The following GPHN variants were observed in gnomAD, a reference collection of about 807,000 sequenced individuals.
GPHN encodes gephyrin.
A neutral mutation model predicts 95.5 loss-of-function variants in GPHN; 17 were observed. The ratio of observed to expected loss-of-function variants is 0.18; its 90% CI spans 0.12 to 0.27. The LOEUF is 0.27. GPHN is among the 10% of genes least tolerant of loss of function. The pLI is 1.00. For missense variants in GPHN, 660 were observed against 978.1 expected (o/e 0.67, Z 4.34); for synonymous variants, 320 against 322.5 (o/e 0.99, Z 0.08).
intron 8 of GPHN, among the ~76,000 whole-genome samples, chr14:66,927,691 TTTATTATG>T (rs2153564177): frequency 6.6e-6 from 1 of 152,254 alleles, no homozygotes; most frequent in South Asian, 2.1e-4. Context: ...GCATATAGCT[TTTATTATG>T]TTGAGGAACG....
chr14:66,809,503 G>C (rs1193439853), intron 3 of GPHN, among the ~76,000 whole-genome samples: 1 of 152,142 alleles, frequency 6.6e-6, no homozygotes. Flanking sequence ...ATACAAAAAA[G>C]ATTAATTCAG....
intron 1 of GPHN, among the ~76,000 whole-genome samples, chr14:66,542,477 C>G (rs2059387072): frequency 6.6e-6 from 1 of 152,174 alleles, no homozygotes; most frequent in Non-Finnish European, 1.5e-5. Context: ...CTACCACCAT[C>G]TCCATCCATA....
At chr14:66,731,288 G>A (rs2071746172) in intron 2 of GPHN, among the ~76,000 whole-genome samples, 1 of 152,246 alleles carries the variant, frequency 6.6e-6, no homozygotes, top group African/African-American at 2.4e-5. Context: ...TTGGAACTGG[G>A]TAACAGGCAG....
chr14:67,301,495 T>G, the GPHN span: 1 of 1,512,570 alleles, frequency 6.6e-7, no homozygotes, highest in Non-Finnish European at 9.1e-7. Context: ...ACTATATATG[T>G]GGTTTTTCCA....
At chr14:66,564,831 C>T (rs1417000942) in intron 1 of GPHN, among the ~76,000 whole-genome samples, 1 of 152,094 alleles carries the variant, frequency 6.6e-6, no homozygotes, top group Non-Finnish European at 1.5e-5. Flanking sequence ...GTGTGTCATA[C>T]ACACCCTACT....
At chr14:67,708,853 T>A in the GPHN span, among the ~76,000 whole-genome samples, 1 of 148,664 alleles carries the variant, frequency 6.7e-6, no homozygotes, top group African/African-American at 2.5e-5. Flanking sequence ...AGTGCAGTGG[T>A]GCAATCTTGG....
At chr14:67,316,935 GTT>G in the GPHN span, 1 of 1,543,730 alleles carries the variant, frequency 6.5e-7, no homozygotes, top group Non-Finnish European at 8.9e-7. Flanking sequence ...TAAGTAAATG[GTT>G]TCTTGGGTCT....
At chr14:67,374,621 C>A in the GPHN span, 2 of 934,204 alleles carry the variant, frequency 2.1e-6, no homozygotes, top group Non-Finnish European at 1.6e-6. Flanking sequence ...TAATTTCATA[C>A]TGCTACTACC....
chr14:67,285,288 A>G, the GPHN span, among the ~76,000 whole-genome samples: 727 of 152,258 alleles, frequency 4.8e-3, 11 homozygotes, highest in African/African-American at 0.017. Flanking sequence ...CCTAGAAGCT[A>G]TCTGTTTTCA....
At chr14:66,961,498 A>G (rs953231730) in intron 8 of GPHN, among the ~76,000 whole-genome samples, 4 of 151,962 alleles carry the variant, frequency 2.6e-5, no homozygotes, top group African/African-American at 9.7e-5. Flanking sequence ...AGGAATAGAT[A>G]TTCACACTAG....
At chr14:67,041,534 A>G (rs2074705058) in intron 10 of GPHN, among the ~76,000 whole-genome samples, 1 of 152,218 alleles carries the variant, frequency 6.6e-6, no homozygotes, top group Non-Finnish European at 1.5e-5. Context: ...ATGTCTCTGC[A>G]AAGGACATGA....
chr14:67,656,235 G>A, the GPHN span, among the ~76,000 whole-genome samples: 10 of 143,932 alleles, frequency 6.9e-5, no homozygotes, highest in Admixed American at 5.7e-4. Flanking sequence ...GACACAGTGA[G>A]ACTCTATCTC....
At chr14:67,361,645 C>CATTTGTCATGCAAAATAACTG in the GPHN span, among the ~76,000 whole-genome samples, 1 of 152,212 alleles carries the variant, frequency 6.6e-6, no homozygotes, top group Non-Finnish European at 1.5e-5. Flanking sequence ...TCCTACCTAC[C>CATTTGTCATGCAAAATAACTG]ATTTGTCATG....
chr14:66,675,213 G>GCTCACGGCACGATCTCA (rs2066518751), intron 1 of GPHN, among the ~76,000 whole-genome samples: 3 of 147,882 alleles, frequency 2.0e-5, no homozygotes, highest in Non-Finnish European at 4.4e-5. Flanking sequence ...GCACGATCTC[G>GCTCACGGCACGATCTCA]GCTCACTGCA....
intron 8 of GPHN, among the ~76,000 whole-genome samples, chr14:66,943,858 G>A (rs574532131): frequency 4.5e-4 from 68 of 152,236 alleles, no homozygotes; most frequent in Middle Eastern, 3.4e-3. Flanking sequence ...ACAGGGCTAG[G>A]AAAACATGCA....
chr14:66,772,353 C>T (rs922498010), intron 2 of GPHN, among the ~76,000 whole-genome samples: 6 of 152,184 alleles, frequency 3.9e-5, no homozygotes, highest in African/African-American at 1.4e-4. Context: ...TAATCTTTGA[C>T]CTCGTGGTAG....
rs141576695 is a variant in GPHN at position 66,961,589 on chromosome 14, G to GA, written c.829-3596dup. Among the ~76,000 whole-genome samples the GA allele has an allele frequency of 2.2e-3, 338 of 151,080 alleles. 12 individuals are homozygous for GA. In the East Asian group the frequency reaches 0.062, roughly 28 times the overall value. On this transcript the variant is annotated intron_variant, in intron 8 of 22. Coordinates refer to ENST00000478722, the MANE Select transcript of GPHN (RefSeq NM_020806.5). ...ATAAGAAAAGAACAACCAAATAAGG[G>GA]AAAAAATGGGCAAGGATTTGAACGG...
chr14:67,394,980 C>T, the GPHN span, among the ~76,000 whole-genome samples: 1 of 152,166 alleles, frequency 6.6e-6, no homozygotes, highest in Non-Finnish European at 1.5e-5. Context: ...CCAGATGCAG[C>T]CCCTCAACCT....
chr14:66,874,240 C>G (rs1797417222), intron 4 of GPHN, among the ~76,000 whole-genome samples: 1 of 152,190 alleles, frequency 6.6e-6, no homozygotes, highest in Non-Finnish European at 1.5e-5. Context: ...ACACAGAAAC[C>G]CCATCCAAAG....
Sources: allele counts gnomAD v4.1 joint callset (sites outside exome capture counted in the v4.1 genomes callset), GRCh38; gene constraint gnomAD v4.1.1; transcripts MANE v1.5; gene names NCBI Gene and HGNC (gene_info 2026-07-23, HGNC 2026-07-21).